The following CTDSP2 variants were observed in gnomAD, a reference collection of about 807,000 sequenced individuals.
CTDSP2 encodes the protein CTD small phosphatase 2.
CTDSP2 carries 9 observed loss-of-function variants against 31.6 expected under a neutral mutation model. That is an observed-to-expected ratio of 0.28 (90% CI 0.17 to 0.50). The LOEUF (loss-of-function observed/expected upper bound fraction) is 0.50, where lower values mean the gene tolerates loss of function less well. CTDSP2 is among the 20% of genes least tolerant of loss of function. The pLI is 0.98. For missense variants in CTDSP2, 267 were observed against 348.5 expected, an observed-to-expected ratio of 0.77 and a Z score of 1.86; for synonymous variants, 134 against 134.5, an observed-to-expected ratio of 1.00 and a Z score of 0.03.
rs992274546 is a variant in CTDSP2, at chr12:57,846,533, C to T, written c.-98G>A. 2 of 955,698 alleles carry T rather than the reference C, an allele frequency of 2.1e-6. No homozygotes were observed. Among genetic ancestry groups the T allele is most frequent in the African/African-American group, 1.8e-5 (1 of 56,442 alleles). The allele number at this position is 955,698 out of a possible 1,614,324, so 59.2% of individuals were successfully genotyped here. A position where few individuals can be genotyped will look rare whatever the true frequency, so the allele number is the denominator to read the frequency against. On this transcript the variant is annotated 5_prime_UTR_variant, in exon 1 of 8. Coordinates refer to ENST00000398073, the MANE Select transcript of CTDSP2 (RefSeq NM_005730.4). ...GCCTGGGCGGGGGCCCGCTCCGGCT[C>T]CCGAGACTCCGACTTCCACAGCTGT...
chr12:57,827,293 C>G (rs1295009421), intron 3 of CTDSP2, 196 bp from the exon 4 acceptor site: 1 of 629,130 alleles, frequency 1.6e-6, no homozygotes, highest in African/African-American at 1.8e-5. Context: ...ATTAAGTGAT[C>G]TGGACATTGG....
chr12:57,821,005 G>A lies in CTDSP2; in HGVS notation c.*2597C>T, dbSNP rs533754199. On this transcript the variant is annotated 3_prime_UTR_variant, in exon 8 of 8. Coordinates refer to ENST00000398073, the MANE Select transcript of CTDSP2 (RefSeq NM_005730.4). The stretch of plus-strand genomic sequence containing the variant: ...CCAGTCTCAAGTGGGAGGGGCTGAT[G>A]GTGGGAAGCCCTAGAAGAGAGTCTG... The A allele has an allele frequency of 6.6e-6, 1 of 152,320 alleles. No homozygotes were observed. The highest frequency in any genetic ancestry group is 2.1e-4 in the South Asian group (1 of 4,822). 9.4% of individuals were successfully genotyped at this position (152,320 alleles called of 1,614,324 possible).
At position 57,822,352 on chromosome 12, in the gene CTDSP2, T is replaced by C. The variant is rs578244808; in HGVS notation, c.*1250A>G. The C allele has an allele frequency of 6.6e-6, 1 of 152,356 alleles. No homozygotes were observed. Among genetic ancestry groups the C allele is most frequent in the East Asian group, 1.9e-4 (1 of 5,190 alleles). 9.4% of individuals were successfully genotyped at this position (152,356 alleles called of 1,614,324 possible). On this transcript the variant is annotated 3_prime_UTR_variant, in exon 8 of 8. Coordinates refer to ENST00000398073, the MANE Select transcript of CTDSP2 (RefSeq NM_005730.4). ...CAGGTCTGAGGGGCTCACTCACTCC[T>C]GTTACCAGAGGCAGAAAGCATGCGC...
intron 6 of CTDSP2, 49 bp from the exon 7 acceptor site, chr12:57,824,138 G>A (rs995231664): frequency 6.2e-7 from 1 of 1,611,426 alleles, no homozygotes; most frequent in Non-Finnish European, 8.5e-7. Context: ...TGGTCCTCCT[G>A]TATAACCCTA....
At chr12:57,846,266 T>C (rs1200384807) in intron 1 of CTDSP2, 106 bp downstream of exon 1, 2 of 1,052,166 alleles carry the variant, frequency 1.9e-6, no homozygotes, top group African/African-American at 3.3e-5. Flanking sequence ...TCGGGATCGC[T>C]GGCTCTAAGC....
intron 2 of CTDSP2, 117 bp downstream of exon 2, chr12:57,829,331 C>T (rs1433936314): frequency 4.1e-6 from 5 of 1,221,710 alleles, no homozygotes; most frequent in Non-Finnish European, 5.8e-6. Flanking sequence ...GGCCCCCTCT[C>T]AGCCAGAAAT....
intron 2 of CTDSP2, among the ~76,000 whole-genome samples, chr12:57,828,385 C>A (rs1053924828): frequency 2.0e-5 from 3 of 148,896 alleles, no homozygotes; most frequent in Admixed American, 6.7e-5. Flanking sequence ...CACGCCATTG[C>A]ACTCCAGCCT....
chr12:57,821,006 G>A lies in CTDSP2; in HGVS notation c.*2596C>T, dbSNP rs1956141645. ...CAGTCTCAAGTGGGAGGGGCTGATG[G>A]TGGGAAGCCCTAGAAGAGAGTCTGG... On this transcript the variant is annotated 3_prime_UTR_variant, in exon 8 of 8. Transcript: ENST00000398073. 6.6e-6 allele frequency: 1 copy of A among 152,208 alleles called. No homozygotes were observed. Among genetic ancestry groups the A allele is most frequent in the Non-Finnish European group, 1.5e-5 (1 of 68,046 alleles). 9.4% of individuals were successfully genotyped at this position (152,208 alleles called of 1,614,324 possible).
chr12:57,840,232 G>T (rs1478871908), intron 1 of CTDSP2, among the ~76,000 whole-genome samples: 3 of 152,220 alleles, frequency 2.0e-5, no homozygotes, highest in African/African-American at 4.8e-5. Flanking sequence ...TGGGGGGTCT[G>T]TATTTTTAGC....
rs781385318 is a variant in CTDSP2, at chr12:57,824,008, G to T, written c.586C>A (p.Gln196Lys). ...RLFRESCVFH[Q>K]GCYVKDLSRL... Reference sequence around the variant, plus strand: ...CTGAGGTCCTTGACGTAGCAGCCCTGGTGGAACACGCAAGACTCACGGAAT... The same window carrying T: ...CTGAGGTCCTTGACGTAGCAGCCCTTGTGGAACACGCAAGACTCACGGAAT... Residue 196 changes from glutamine to lysine, a missense_variant, in exon 7 of 8, where the codon CAG becomes AAG. By Grantham distance (53) the Gln-to-Lys change is moderately conservative (BLOSUM62 1). This residue lies in a region of CTDSP2 where 156 missense variants were observed against 241.3 expected (regional missense o/e 0.65). Coordinates refer to ENST00000398073, the MANE Select transcript of CTDSP2 (RefSeq NM_005730.4). 6.2e-7 allele frequency: 1 copy of T among 1,614,104 alleles called. No individual in the cohort carries two copies. Among genetic ancestry groups the T allele is most frequent in the Non-Finnish European group, 8.5e-7 (1 of 1,180,008 alleles).
chr12:57,827,484 T>G (rs758524471), intron 3 of CTDSP2, 68 bp downstream of exon 3: 130 of 1,557,498 alleles, frequency 8.3e-5, no homozygotes, highest in Non-Finnish European at 1.1e-4. Context: ...CACATCACCC[T>G]GCCCGTGGAG....
intron 4 of CTDSP2, 67 bp downstream of exon 4, chr12:57,826,929 A>C: frequency 8.1e-7 from 1 of 1,227,124 alleles, no homozygotes; most frequent in Non-Finnish European, 1.2e-6. Context: ...GCTGCCTTAC[A>C]CATCTGTTGC....
At chr12:57,830,245 T>C (rs1218771165) in intron 1 of CTDSP2, among the ~76,000 whole-genome samples, 1 of 151,846 alleles carries the variant, frequency 6.6e-6, no homozygotes, top group Non-Finnish European at 1.5e-5. Flanking sequence ...ATTAGCCAGG[T>C]GAGGTGGCGG....
intron 1 of CTDSP2, among the ~76,000 whole-genome samples, chr12:57,830,079 A>C (rs1008307158): frequency 6.6e-6 from 1 of 152,106 alleles, no homozygotes; most frequent in Non-Finnish European, 1.5e-5. Flanking sequence ...ACGGAGCCCA[A>C]TTTGCCTAAA....
intron 1 of CTDSP2, among the ~76,000 whole-genome samples, chr12:57,841,404 A>T (rs1008873234): frequency 8.5e-5 from 13 of 152,256 alleles, no homozygotes; most frequent in Admixed American, 1.3e-4. Flanking sequence ...ATTAACTCTC[A>T]AAGCAGACAG....
At chr12:57,829,781 G>A (rs1027967923) in intron 1 of CTDSP2, among the ~76,000 whole-genome samples, 185 bp from the exon 2 acceptor site, 1 of 152,162 alleles carries the variant, frequency 6.6e-6, no homozygotes, top group Admixed American at 6.5e-5. Flanking sequence ...TCTCTTTAAA[G>A]CAGGAATGTC....
At chr12:57,846,246 A>T in intron 1 of CTDSP2, 126 bp downstream of exon 1, 1 of 804,276 alleles carries the variant, frequency 1.2e-6, no homozygotes, top group Non-Finnish European at 1.9e-6. Context: ...GATGGACCGG[A>T]GGGGTCCAGT....
rs566837489 is a variant in CTDSP2, at chr12:57,828,870, C to T, written c.213+578G>A. 2.6e-5 allele frequency among the ~76,000 whole-genome samples: 4 copies of T among 152,326 alleles called. No homozygotes were observed. In the South Asian group the frequency reaches 8.3e-4, roughly 32 times the overall value. Reference sequence around the variant, plus strand: ...ATACTAGACATATAAAAAATACCCACAAAATCCCAAATGCCTTGCATGAGT... The same window carrying T: ...ATACTAGACATATAAAAAATACCCATAAAATCCCAAATGCCTTGCATGAGT... On this transcript the variant is annotated intron_variant, in intron 2 of 7. Transcript: ENST00000398073.
chr12:57,842,508 T>G (rs1040555191), intron 1 of CTDSP2: 1 of 152,254 alleles, frequency 6.6e-6, no homozygotes, highest in Non-Finnish European at 1.5e-5. Flanking sequence ...GCAAGTCAAC[T>G]GCAAACCCCC....
Sources: gnomAD v4.1 joint callset for allele counts (sites outside exome capture counted in the v4.1 genomes callset) on GRCh38, gnomAD v4.1.1 for gene constraint, gnomAD v4.1.1 regional missense constraint, MANE v1.5 for transcripts, NCBI Gene and HGNC (gene_info 2026-07-23, HGNC 2026-07-21) for gene names.